The following RFX3 variants were observed in gnomAD, a reference collection of about 807,000 sequenced individuals.
RFX3 encodes transcription factor RFX3.
RFX3 carries 14 observed loss-of-function variants against 98.6 expected under a neutral mutation model. That is an observed-to-expected ratio of 0.14 (90% CI 0.09 to 0.22). RFX3 has a LOEUF of 0.22. RFX3 is among the 10% of genes least tolerant of loss of function. RFX3 has a pLI of 1.00. For missense variants in RFX3, 639 were observed against 926.9 expected (o/e 0.69, Z 4.03); for synonymous variants, 383 against 328.4 (o/e 1.17, Z -1.80).
At chr9:3,465,054 T>C (rs948818748) in intron 1 of RFX3, among the ~76,000 whole-genome samples, 10 of 152,210 alleles carry the variant, frequency 6.6e-5, no homozygotes, top group Admixed American at 2.6e-4. Context: ...AAGGTATCTA[T>C]ATGTTAAAGG....
intron 1 of RFX3, among the ~76,000 whole-genome samples, chr9:3,462,225 A>G (rs897983339): frequency 6.6e-6 from 1 of 152,088 alleles, no homozygotes; most frequent in African/African-American, 2.4e-5. Flanking sequence ...ACATATAAAC[A>G]GATAATGACA....
At chr9:3,524,589 G>C (rs1819028244) in intron 1 of RFX3, 7 of 978,912 alleles carry the variant, frequency 7.2e-6, no homozygotes, top group Non-Finnish European at 8.5e-6. Flanking sequence ...TACCATAACT[G>C]TCACAAATAA....
chr9:3,393,219 G>C (rs1333220976), intron 2 of RFX3, among the ~76,000 whole-genome samples: 1 of 152,118 alleles, frequency 6.6e-6, no homozygotes, highest in East Asian at 1.9e-4. Flanking sequence ...CAGGTTTAAA[G>C]AGGTCAATGT....
chr9:3,256,487 C>T (rs1467918473), intron 14 of RFX3, among the ~76,000 whole-genome samples: 1 of 152,110 alleles, frequency 6.6e-6, no homozygotes, highest in African/African-American at 2.4e-5. Context: ...TGGGCCTTAC[C>T]TCTACAGGTT....
intron 13 of RFX3, among the ~76,000 whole-genome samples, chr9:3,261,561 G>C (rs1310124331): frequency 6.6e-6 from 1 of 152,048 alleles, no homozygotes; most frequent in Non-Finnish European, 1.5e-5. Flanking sequence ...CGGACATTTG[G>C]GTTGTTTCTG....
At chr9:3,433,296 C>T (rs1844818644) in intron 1 of RFX3, among the ~76,000 whole-genome samples, 2 of 152,104 alleles carry the variant, frequency 1.3e-5, no homozygotes, top group Admixed American at 6.6e-5. Context: ...ATGACCAACC[C>T]CTACTCTTCC....
intron 15 of RFX3, among the ~76,000 whole-genome samples, chr9:3,243,461 T>G (rs191855672): frequency 1.4e-4 from 22 of 152,238 alleles, no homozygotes. Context: ...GGGAGTCCAT[T>G]GTATAGCAGT....
intron 5 of RFX3, among the ~76,000 whole-genome samples, chr9:3,293,672 C>T (rs1167564188): frequency 2.0e-5 from 3 of 152,066 alleles, no homozygotes; most frequent in Non-Finnish European, 4.4e-5. Context: ...TTAGTGTTGG[C>T]TTATTATAAC....
intron 5 of RFX3, among the ~76,000 whole-genome samples, chr9:3,296,274 T>A (rs532806987): frequency 6.6e-6 from 1 of 152,028 alleles, no homozygotes; most frequent in African/African-American, 2.4e-5. Flanking sequence ...AAACTTTTCA[T>A]AGAAATAGTG....
At chr9:3,323,357 G>C (rs867422937) in intron 4 of RFX3, among the ~76,000 whole-genome samples, 1 of 152,112 alleles carries the variant, frequency 6.6e-6, no homozygotes, top group African/African-American at 2.4e-5. Context: ...GTCACTCTTA[G>C]ACTACAATGT....
intron 14 of RFX3, among the ~76,000 whole-genome samples, chr9:3,250,576 C>T (rs1014572475): frequency 1.3e-5 from 2 of 151,980 alleles, no homozygotes; most frequent in African/African-American, 4.8e-5. Context: ...AGGTCAAAAC[C>T]TTTGACCCAG....
At chr9:3,466,714 A>T (rs57004251) in intron 1 of RFX3, among the ~76,000 whole-genome samples, 30,427 of 152,014 alleles carry the variant, frequency 0.2, 5,189 homozygotes, top group African/African-American at 0.47. Context: ...AGAGCCACTG[A>T]TAAAATGTAA....
chr9:3,368,740 C>A (rs1837490476), intron 2 of RFX3, among the ~76,000 whole-genome samples: 1 of 152,192 alleles, frequency 6.6e-6, no homozygotes, highest in African/African-American at 2.4e-5. Flanking sequence ...TATCACCCAC[C>A]TGCCTGGAAC....
chr9:3,452,802 T>C (rs1444143821), intron 1 of RFX3, among the ~76,000 whole-genome samples: 1 of 152,226 alleles, frequency 6.6e-6, no homozygotes, highest in Non-Finnish European at 1.5e-5. Flanking sequence ...ACACAGGGAA[T>C]ACTATAGGTT....
chr9:3,467,328 G>A (rs1848397113), intron 1 of RFX3, among the ~76,000 whole-genome samples: 1 of 147,544 alleles, frequency 6.8e-6, no homozygotes. Context: ...GTGTGTGTAT[G>A]TACGTGTGTG....
intron 10 of RFX3, 110 bp from the exon 11 acceptor site, chr9:3,270,635 C>A: frequency 9.2e-7 from 1 of 1,083,242 alleles, no homozygotes; most frequent in Non-Finnish European, 1.3e-6. Flanking sequence ...TAGAACTATA[C>A]CACCATTGCA....
At chr9:3,255,464 C>T (rs968662546) in intron 14 of RFX3, among the ~76,000 whole-genome samples, 1 of 152,212 alleles carries the variant, frequency 6.6e-6, no homozygotes, top group Non-Finnish European at 1.5e-5. Context: ...CCACCACTTT[C>T]TGATATGTGC....
At chr9:3,499,626 G>A (rs1815760796) in intron 1 of RFX3, among the ~76,000 whole-genome samples, 1 of 151,888 alleles carries the variant, frequency 6.6e-6, no homozygotes, top group Non-Finnish European at 1.5e-5. Flanking sequence ...TTGAAAAGTG[G>A]GTAGACATTA....
intron 1 of RFX3, among the ~76,000 whole-genome samples, chr9:3,468,799 C>T (rs868742387): frequency 2.9e-5 from 4 of 137,390 alleles, no homozygotes; most frequent in South Asian, 4.5e-4. Flanking sequence ...GATTTTTACC[C>T]GATTGTTTTC....
Sources: allele counts gnomAD v4.1 joint callset (sites outside exome capture counted in the v4.1 genomes callset), GRCh38; gene constraint gnomAD v4.1.1; transcripts MANE v1.5; gene names NCBI Gene and HGNC (gene_info 2026-07-23, HGNC 2026-07-21).